Variants in DLD observed in about 807,000 individuals in gnomAD.
DLD encodes the protein dihydrolipoyl dehydrogenase, mitochondrial.
Under a neutral mutation model 62.2 loss-of-function variants are expected in DLD, and 36 were observed. The ratio of observed to expected loss-of-function variants is 0.58; its 90% confidence interval spans 0.44 to 0.76. The LOEUF is 0.76. Among genes scored for constraint, DLD ranks in the 30% least tolerant of loss-of-function variants. The pLI, the probability that DLD is intolerant of heterozygous loss-of-function variation, is 0.00. For missense variants in DLD, 541 were observed against 608.6 expected (o/e 0.89, Z 1.17); for synonymous variants, 204 against 199.6 (o/e 1.02, Z -0.19).
intron 9 of DLD, 145 bp from the exon 10 acceptor site, chr7:107,916,649 C>A: frequency 1.2e-6 from 1 of 830,260 alleles, no homozygotes; most frequent in Non-Finnish European, 2.0e-6. Flanking sequence ...TCCAGTCTGG[C>A]GACAGAGCAA....
rs186588359 is a variant in DLD, at chr7:107,892,154, G to A, written c.39+865G>A. On this transcript the variant is annotated intron_variant, in intron 1 of 13. Transcript: ENST00000205402. ...GACCTCAAATGTTAAGAGTTGCCTTGGAATAGGAAACATCAGTGTAGGTTT... is the reference window on the plus strand; with the variant it reads ...GACCTCAAATGTTAAGAGTTGCCTTAGAATAGGAAACATCAGTGTAGGTTT... Among the ~76,000 whole-genome samples the A allele has an allele frequency of 4.3e-4, 66 of 152,246 alleles. 1 individual carries two copies. Among genetic ancestry groups the A allele is most frequent in the Admixed American group, 2.8e-3 (43 of 15,280 alleles).
intron 8 of DLD, among the ~76,000 whole-genome samples, chr7:107,909,200 T>C (rs2032081596): frequency 6.6e-6 from 1 of 152,254 alleles, no homozygotes; most frequent in South Asian, 2.1e-4. Context: ...TGAACCTTTA[T>C]TCTTGCTTTA....
At position 107,921,090 on chromosome 7, in the gene DLD, C is replaced by T. The variant is rs1378508786; in HGVS notation, c.*1831C>T. On this transcript the variant is annotated 3_prime_UTR_variant, in exon 14 of 14. Transcript: ENST00000205402. The stretch of plus-strand genomic sequence containing the variant: ...GTGAAATATAATTTAATATGGAATT[C>T]TAGCTGTAGAGTTAAATCCATCTTT... The T allele has an allele frequency of 6.6e-6, 1 of 152,262 alleles. No individual in the cohort carries two copies. The highest frequency in any genetic ancestry group is 1.5e-5 in the Non-Finnish European group (1 of 68,018). The allele number at this position is 152,262 out of a possible 1,614,324, so 9.4% of individuals were successfully genotyped here.
In DLD at chr7:107,915,601, CT is replaced by C. The variant is rs1562919685; in HGVS notation, c.783del (p.Gln262AsnfsTer13). On this transcript the variant is annotated frameshift_variant, in exon 9 of 14. Coordinates refer to ENST00000205402, the MANE Select transcript of DLD (RefSeq NM_000108.5). LOFTEE classifies it high-confidence loss of function. ...GAATTGATATGGAGATATCTAAAAA[CT>C]TTCAACGCATCCTTCAAAAACAGGG... ...VGIDMEISKN[F>X]QRILQKQGFK... 1 of 1,613,662 alleles carries C rather than the reference CT, an allele frequency of 6.2e-7. No individual in the cohort carries two copies. The highest frequency in any genetic ancestry group is 8.5e-7 in the Non-Finnish European group (1 of 1,179,810).
chr7:107,913,380 A>G (rs114458501), intron 8 of DLD, among the ~76,000 whole-genome samples: 2,076 of 151,948 alleles, frequency 0.014, 38 homozygotes, highest in African/African-American at 0.048. Flanking sequence ...AACATGAACT[A>G]TTTTTTGTGT....
At position 107,917,466 on chromosome 7, in the gene DLD, A is replaced by G; in HGVS notation, c.1236+4A>G. 6.2e-7 allele frequency: 1 copy of G among 1,614,132 alleles called. No individual in the cohort carries two copies. Among genetic ancestry groups the G allele is most frequent in the East Asian group, 2.2e-5 (1 of 44,884 alleles). ...AGAAGAGCAGTTGAAAGAAGAGGTA[A>G]GTCTGAACATGGGTGGTTTTAAGCC... On this transcript the variant is annotated splice_donor_region_variant and intron_variant, in intron 11 of 13. Transcript: ENST00000205402.
rs1289624733 is a variant in DLD, at chr7:107,904,912, T to C, written c.338-46T>C. On this transcript the variant is annotated intron_variant, in intron 5 of 13. Transcript: ENST00000205402. ...GTGAGTGAAAAACACTGCATATTGC[T>C]TCAAGAATTTAGCTAAGAACTAAAG... is the stretch of plus-strand genomic sequence containing the variant. 1.4e-5 allele frequency: 20 copies of C among 1,443,022 alleles called. No homozygotes were observed. In the South Asian group the frequency reaches 2.3e-4, roughly 17 times the overall value. The allele number at this position is 1,443,022 out of a possible 1,614,324, so 89.4% of individuals were successfully genotyped here.
At chr7:107,896,968 T>G (rs749886965) in intron 2 of DLD, among the ~76,000 whole-genome samples, 3 of 152,010 alleles carry the variant, frequency 2.0e-5, no homozygotes, top group Non-Finnish European at 4.4e-5. Context: ...CCCGAGTAGC[T>G]GGGATTACAG....
At chr7:107,900,637 G>C in intron 2 of DLD, among the ~76,000 whole-genome samples, 1 of 152,120 alleles carries the variant, frequency 6.6e-6, no homozygotes, top group Non-Finnish European at 1.5e-5. Flanking sequence ...AAGACCACCG[G>C]AAGTAGAGTC....
At chr7:107,891,582 G>T (rs1372348456) in intron 1 of DLD, 1 of 572,132 alleles carries the variant, frequency 1.7e-6, no homozygotes, top group Non-Finnish European at 3.1e-6. Context: ...GGGCCATCCC[G>T]GTCACACATA....
chr7:107,918,953 C>G (rs1031083843), intron 12 of DLD, 57 bp from the exon 13 acceptor site: 2 of 1,369,318 alleles, frequency 1.5e-6, no homozygotes, highest in Non-Finnish European at 2.1e-6. Context: ...AATTGCTATC[C>G]TATTAGCATG....
Position 107,902,228 on chromosome 7 carries a change from G to T in DLD, c.199-97G>T, listed in dbSNP as rs80329864. ...AGTCTGTGAAAACATAGCCCGAATA[G>T]CTTGTTTTGTAGAAGAATTAAGACA... On this transcript the variant is annotated intron_variant, in intron 3 of 13. Coordinates refer to ENST00000205402, the MANE Select transcript of DLD (RefSeq NM_000108.5). The T allele has an allele frequency of 3.1e-4, 325 of 1,063,498 alleles. 1 individual carries two copies. The African/African-American group carries it at 4.7e-3, about 15-fold the overall frequency. 65.9% of individuals were successfully genotyped at this position (1,063,498 alleles called of 1,614,324 possible).
chr7:107,917,287 G>T lies in DLD; in HGVS notation c.1061G>T (p.Gly354Val). The T allele has an allele frequency of 6.2e-7, 1 of 1,614,086 alleles. No homozygotes were observed. Among genetic ancestry groups the T allele is most frequent in the South Asian group, 1.1e-5 (1 of 91,074 alleles). ...TTCTGTGGTAGTATCTATGCCATTG[G>T]TGATGTAGTTGCTGGTCCAATGCTG... ...QTKIPNIYAI[G>V]DVVAGPMLAH... The change falls in exon 11 of 14, where the codon GGT becomes GTT. Residue 354 changes from glycine (G) to valine (V), a missense_variant. Physicochemically the swap from Gly to Val is moderately radical, Grantham distance 109. Coordinates refer to ENST00000205402, the MANE Select transcript of DLD (RefSeq NM_000108.5).
At position 107,917,995 on chromosome 7, in the gene DLD, T is replaced by C; in HGVS notation, c.1308T>C (p.Asp436=). 1 of 1,614,114 alleles carries C rather than the reference T, an allele frequency of 6.2e-7. No individual in the cohort carries two copies. The change falls in exon 12 of 14, where the codon GAT becomes GAC. Residue 436 remains aspartate, a synonymous_variant. Transcript: ENST00000205402. The stretch of plus-strand genomic sequence containing the variant: ...GAGCTAAGACAAATGCTGACACAGA[T>C]GGCATGGTGAAGATCCTTGGGCAGA... ...NSRAKTNADT[D]GMVKILGQKS...
chr7:107,917,369 T>C lies in DLD; in HGVS notation c.1143T>C (p.Ala381=). 1.2e-6 allele frequency: 2 copies of C among 1,614,176 alleles called. No homozygotes were observed. Among genetic ancestry groups the C allele is most frequent in the Non-Finnish European group, 1.7e-6 (2 of 1,180,022 alleles). Residue 381 remains alanine (A), a synonymous_variant, in exon 11 of 14, where the codon GCT becomes GCC. Transcript: ENST00000205402. ...IICVEGMAGG[A]VHIDYNCVPS... is the part of the protein sequence containing the mutation. ...GTGTTGAAGGAATGGCTGGTGGTGC[T>C]GTGCACATTGACTACAATTGTGTGC... is the stretch of plus-strand genomic sequence containing the variant.
In DLD at chr7:107,916,620, C is replaced by T. The variant is rs113123129; in HGVS notation, c.876-174C>T. Among the ~76,000 whole-genome samples the T allele has an allele frequency of 4.4e-3, 667 of 151,976 alleles. 6 individuals are homozygous for T. Among genetic ancestry groups the T allele is most frequent in the African/African-American group, 0.015 (633 of 41,456 alleles). On this transcript the variant is annotated intron_variant, in intron 9 of 13. Coordinates refer to ENST00000205402, the MANE Select transcript of DLD (RefSeq NM_000108.5). ...CTGGGAGGTGGAGGTTGCAGTGAGC[C>T]GAGATTGCACCACTGTACTCCAGTC... is the stretch of plus-strand genomic sequence containing the variant.
chr7:107,914,185 G>A (rs150881209), intron 8 of DLD, among the ~76,000 whole-genome samples: 4 of 152,020 alleles, frequency 2.6e-5, no homozygotes, highest in African/African-American at 9.6e-5. Context: ...ATGTACTTAC[G>A]TGCCATCTCT....
intron 2 of DLD, among the ~76,000 whole-genome samples, chr7:107,900,723 GTTTA>G (rs1346441825): frequency 6.6e-6 from 1 of 152,056 alleles, no homozygotes; most frequent in African/African-American, 2.4e-5. Flanking sequence ...TGAACTTCTT[GTTTA>G]TTCTGTGAAA....
At chr7:107,904,355 A>T (rs957255247) in intron 5 of DLD, among the ~76,000 whole-genome samples, 44 of 152,304 alleles carry the variant, frequency 2.9e-4, no homozygotes, top group African/African-American at 1.0e-3. Flanking sequence ...GAAATCTCTC[A>T]GAGTCTCTTT....
Sources: gnomAD v4.1 joint callset for allele counts (sites outside exome capture counted in the v4.1 genomes callset) on GRCh38, gnomAD v4.1.1 for gene constraint, MANE v1.5 for transcripts, NCBI Gene and HGNC (gene_info 2026-07-23, HGNC 2026-07-21) for gene names.